MYH14: variants seen among roughly 807,000 people sequenced by gnomAD.
The protein encoded by MYH14 is myosin heavy chain 14.
Under a neutral mutation model 255.5 loss-of-function variants are expected in MYH14, and 123 were observed. The observed-to-expected ratio is 0.48, with a 90% CI of 0.42 to 0.56. The LOEUF is 0.56. Among genes scored for constraint, MYH14 ranks in the 20% least tolerant of loss-of-function variants. The pLI, the probability that MYH14 is intolerant of heterozygous loss-of-function variation, is 0.00. For missense variants in MYH14, 2,423 were observed against 2,802.3 expected (o/e 0.86, Z 3.06); for synonymous variants, 1,095 against 1,161.2 (o/e 0.94, Z 1.16).
chr19:50,308,691 A>C, intron 41 of MYH14: 1 of 333,654 alleles, frequency 3.0e-6, no homozygotes, highest in Non-Finnish European at 5.5e-6. Context: ...TGCCAGGCTG[A>C]GGGGCTGGAA....
intron 32 of MYH14, 58 bp from the exon 33 acceptor site, chr19:50,281,536 T>C: frequency 5.9e-6 from 9 of 1,520,268 alleles, no homozygotes; most frequent in East Asian, 2.3e-5. Flanking sequence ...CACCACCAGC[T>C]TACACCTTGG....
intron 30 of MYH14, among the ~76,000 whole-genome samples, chr19:50,278,685 C>T (rs908360598): frequency 6.6e-6 from 1 of 151,762 alleles, no homozygotes. Context: ...GCCTGGGCAA[C>T]AAAGTGAGAT....
chr19:50,242,559 G>A (rs1298080272), intron 10 of MYH14, among the ~76,000 whole-genome samples: 2 of 152,098 alleles, frequency 1.3e-5, no homozygotes, highest in African/African-American at 4.8e-5. Context: ...CCTCCCACTG[G>A]GTCCCTCGCA....
At chr19:50,297,698 C>T (rs2036325619) in intron 39 of MYH14, among the ~76,000 whole-genome samples, 2 of 151,538 alleles carry the variant, frequency 1.3e-5, no homozygotes, top group Non-Finnish European at 1.5e-5. Flanking sequence ...TGGCATTTCA[C>T]CATGTTGGCC....
chr19:50,259,092 G>T, intron 18 of MYH14, 52 bp from the exon 19 acceptor site: 1 of 1,525,190 alleles, frequency 6.6e-7, no homozygotes, highest in African/African-American at 1.4e-5. Context: ...TGACCGTTTG[G>T]CGCCCCCGTG....
chr19:50,292,266 G>T lies in MYH14; in HGVS notation c.5133G>T (p.Gln1711His). The T allele has an allele frequency of 6.2e-7, 1 of 1,605,300 alleles. No homozygotes were observed. Among genetic ancestry groups the T allele is most frequent in the Non-Finnish European group, 8.5e-7 (1 of 1,176,536 alleles). The change falls in exon 37 of 43, where the codon CAG becomes CAT. Residue 1711 changes from glutamine (Q) to histidine (H), a missense_variant. Coordinates refer to ENST00000642316, the MANE Select transcript of MYH14 (RefSeq NM_001145809.2). ...AVKQLRKMQAQMKELWREVEE... is the reference protein window; with the variant it reads ...AVKQLRKMQAHMKELWREVEE... ...ACCTATTCCGTTCCACCCAGGCCCA[G>T]ATGAAGGAGCTATGGCGGGAGGTGG... is the stretch of plus-strand genomic sequence containing the variant.
At chr19:50,292,182 T>A in intron 36 of MYH14, 79 bp from the exon 37 acceptor site, 1 of 1,411,224 alleles carries the variant, frequency 7.1e-7, no homozygotes, top group South Asian at 1.6e-5. Flanking sequence ...AGGAGCCCCG[T>A]CGGTCTGGCA....
intron 3 of MYH14, among the ~76,000 whole-genome samples, chr19:50,219,320 C>G (rs953101911): frequency 2.6e-5 from 4 of 151,704 alleles, no homozygotes; most frequent in African/African-American, 9.7e-5. Context: ...GTTGCTGGAT[C>G]AAATGATATA....
In MYH14 at chr19:50,289,599, A is replaced by T. The variant is rs1337640349; in HGVS notation, c.4916A>T (p.Gln1639Leu). ...AAGACTCAGCATGAGCGTGACCTGC[A>T]GGGCCGTGATGAGGCTGGTGAAGAG... ...ALKTQHERDL[Q>L]GRDEAGEERR... Residue 1639 changes from glutamine (Q) to leucine (L), a missense_variant, in exon 35 of 43, where the codon CAG becomes CTG. Physicochemically the swap from Gln to Leu is moderately radical, Grantham distance 113 (BLOSUM62 -2). Around this residue, in one of 3 missense-constraint regions of MYH14, gnomAD observed 1,513 missense variants for 1,674.8 expected, o/e 0.90. Transcript: ENST00000642316. 1 of 1,612,790 alleles carries T rather than the reference A, an allele frequency of 6.2e-7. No homozygotes were observed.
intron 39 of MYH14, among the ~76,000 whole-genome samples, chr19:50,295,353 A>G (rs967313940): frequency 1.1e-4 from 16 of 151,416 alleles, no homozygotes; most frequent in Non-Finnish European, 2.1e-4. Flanking sequence ...ACAAAACAAA[A>G]AAAACAGGCC....
chr19:50,308,896 G>T (rs552621595), intron 41 of MYH14, 109 bp from the exon 42 acceptor site: 2 of 1,078,730 alleles, frequency 1.9e-6, no homozygotes, highest in Non-Finnish European at 2.7e-6. Flanking sequence ...AGAGGATGGG[G>T]CAGAGAGAGT....
At chr19:50,307,260 A>G (rs1355482209) in intron 41 of MYH14, 103 bp downstream of exon 41, 3 of 698,778 alleles carry the variant, frequency 4.3e-6, no homozygotes, top group Non-Finnish European at 7.5e-6. Context: ...ACAAGAAGCA[A>G]TGTGCAGGTG....
chr19:50,286,178 G>T (rs772452579), intron 33 of MYH14: 1 of 233,516 alleles, frequency 4.3e-6, no homozygotes, highest in Non-Finnish European at 8.3e-6. Context: ...AAACAGTAAA[G>T]GTTGAAGTAC....
At chr19:50,265,639 G>A (rs1034448869) in intron 22 of MYH14, among the ~76,000 whole-genome samples, 2 of 151,976 alleles carry the variant, frequency 1.3e-5, no homozygotes, top group Non-Finnish European at 2.9e-5. Flanking sequence ...TGGCCAATAT[G>A]ATGGAACCCT....
intron 18 of MYH14, 142 bp from the exon 19 acceptor site, chr19:50,259,002 C>G: frequency 3.5e-6 from 4 of 1,152,128 alleles, no homozygotes; most frequent in Non-Finnish European, 4.7e-6. Flanking sequence ...GCATTGCTGT[C>G]TTCCCAGGGC....
At chr19:50,271,688 A>C in intron 25 of MYH14, 142 bp downstream of exon 25, 1 of 1,447,338 alleles carries the variant, frequency 6.9e-7, no homozygotes, top group Middle Eastern at 2.4e-4. Flanking sequence ...TATAGCCCCA[A>C]GGGAATGGGA....
intron 1 of MYH14, among the ~76,000 whole-genome samples, chr19:50,204,755 C>T (rs2031636663): frequency 6.6e-6 from 1 of 152,226 alleles, no homozygotes; most frequent in Admixed American, 6.5e-5. Flanking sequence ...GTTAGCCGGG[C>T]GTGGTGGCGT....
Position 50,252,886 on chromosome 19 carries a change from G to A in MYH14, c.1945+133G>A, listed in dbSNP as rs1790373707. 2 of 605,854 alleles carry A rather than the reference G, an allele frequency of 3.3e-6. No individual in the cohort carries two copies. Among genetic ancestry groups the A allele is most frequent in the African/African-American group, 3.7e-5 (2 of 54,040 alleles). The allele number at this position is 605,854 out of a possible 1,614,324, so 37.5% of individuals were successfully genotyped here. A position where few individuals can be genotyped will look rare whatever the true frequency, so the allele number is the denominator to read the frequency against. On this transcript the variant is annotated intron_variant, in intron 16 of 42. Transcript: ENST00000642316. The surrounding 1 kb of genome is among the most constrained non-coding windows in gnomAD (Gnocchi z 4.2). ...TCTGCTCAGACCCAGAATAGCCAGTGTCACAAATAGTATTTCAAATCAGTG... is the reference window on the plus strand; with the variant it reads ...TCTGCTCAGACCCAGAATAGCCAGTATCACAAATAGTATTTCAAATCAGTG...
Position 50,266,836 on chromosome 19 carries a change from C to G in MYH14, c.2695-41C>G. 1 of 1,550,868 alleles carries G rather than the reference C, an allele frequency of 6.4e-7. No individual in the cohort carries two copies. The highest frequency in any genetic ancestry group is 8.7e-7 in the Non-Finnish European group (1 of 1,146,520). The stretch of plus-strand genomic sequence containing the variant: ...CCCCACTAAGAGTGTGAGGTCTTGG[C>G]GCCTGAAGTCAGCCATTCCACCCCT... On this transcript the variant is annotated intron_variant, in intron 22 of 42. Transcript: ENST00000642316. This position sits in a 1 kb window ranked among gnomAD's most constrained non-coding sequence, Gnocchi z 4.1.
Sources: allele counts gnomAD v4.1 joint callset (sites outside exome capture counted in the v4.1 genomes callset), GRCh38; gene constraint gnomAD v4.1.1; regional missense constraint gnomAD v4.1.1; non-coding constraint Gnocchi (gnomAD v3.1); transcripts MANE v1.5; gene names NCBI Gene and HGNC (gene_info 2026-07-23, HGNC 2026-07-21).